Variants in IST1 observed in about 807,000 individuals in gnomAD.
IST1 encodes the protein IST1 factor associated with ESCRT-III.
A neutral mutation model predicts 37.0 loss-of-function variants in IST1; 23 were observed. That is an observed-to-expected ratio of 0.62 (90% CI 0.45 to 0.88). The LOEUF (loss-of-function observed/expected upper bound fraction) is 0.88, where lower values mean the gene tolerates loss of function less well. IST1 is among the 40% of genes least tolerant of loss of function. IST1 has a pLI of 0.00. For missense variants in IST1, 488 were observed against 445.4 expected (o/e 1.10, Z -0.86); for synonymous variants, 180 against 161.7 (o/e 1.11, Z -0.86).
chr16:71,915,185 C>T (rs1190493932), intron 1 of IST1, among the ~76,000 whole-genome samples: 1 of 152,080 alleles, frequency 6.6e-6, no homozygotes, highest in African/African-American at 2.4e-5. Flanking sequence ...AATCATCTTC[C>T]CCCATTGCCA....
In IST1 at chr16:71,908,995, TG is replaced by T. The variant is rs1455522179; in HGVS notation, c.-15-6630del. On this transcript the variant is annotated intron_variant, in intron 1 of 9. Coordinates refer to ENST00000378799, the MANE Select transcript of IST1 (RefSeq NM_001270975.2). The stretch of plus-strand genomic sequence containing the variant: ...CTAGAACCCTGTTCCTTACATCTTT[TG>T]TTTCTATTTTTAAGGACCATCCATG... Among the ~76,000 whole-genome samples, 8 of 152,314 alleles carry T rather than the reference TG, an allele frequency of 5.3e-5. No individual in the cohort carries two copies. In the East Asian group the frequency reaches 1.3e-3, roughly 26 times the overall value.
rs372777359 is a variant in IST1 at position 71,924,651 on chromosome 16, G to C, written c.853-118G>C. On this transcript the variant is annotated intron_variant, in intron 8 of 9. Transcript: ENST00000378799. ...AAAAAATGCAGGGGCAGTTTCTTTG[G>C]AACAGGCTCTGTTGCATTTGGTGAG... The C allele has an allele frequency of 6.3e-5, 49 of 773,682 alleles. 1 individual carries two copies. The East Asian group carries it at 6.3e-4, about 10-fold the overall frequency. The allele number at this position is 773,682 out of a possible 1,614,324, so 47.9% of individuals were successfully genotyped here. A position where few individuals can be genotyped will look rare whatever the true frequency, so the allele number is the denominator to read the frequency against.
intron 9 of IST1, among the ~76,000 whole-genome samples, chr16:71,926,674 A>ACAATTC (rs1397522600): frequency 6.6e-6 from 1 of 152,140 alleles, no homozygotes; most frequent in Non-Finnish European, 1.5e-5. Context: ...GTATACACAG[A>ACAATTC]CAATTCCACT....
At chr16:71,900,479 C>T (rs532809573) in intron 1 of IST1, among the ~76,000 whole-genome samples, 2 of 152,006 alleles carry the variant, frequency 1.3e-5, no homozygotes, top group East Asian at 3.9e-4. Flanking sequence ...GGACTCAGTC[C>T]ATGGTTTTAC....
chr16:71,922,606 C>T lies in IST1; in HGVS notation c.685C>T (p.Pro229Ser), dbSNP rs2063088450. Residue 229 changes from proline to serine, a missense_variant, in exon 7 of 10, where the codon CCA becomes TCA. By Grantham distance (74) the Pro-to-Ser change is moderately conservative. Around this residue, in one of 2 missense-constraint regions of IST1, gnomAD observed 455 missense variants for 386.2 expected, o/e 1.18. Transcript: ENST00000378799. ...APVGGPDGTV[P>S]MPMPMPMPMP... ...AGTTGGTGGACCTGATGGAACGGTGCCAATGCCCATGCCCATGCCCATGCC... is the reference window on the plus strand; with the variant it reads ...AGTTGGTGGACCTGATGGAACGGTGTCAATGCCCATGCCCATGCCCATGCC... 1.9e-6 allele frequency: 3 copies of T among 1,594,662 alleles called. No homozygotes were observed. The highest frequency in any genetic ancestry group is 1.1e-5 in the South Asian group (1 of 89,812).
At position 71,920,840 on chromosome 16, in the gene IST1, T is replaced by C. The variant is rs1475948937; in HGVS notation, c.441+18T>C. ...ATGACAGGGTAATGAACATACTTGG[T>C]AAACATGAAGGCAGTGTGTGGGAGC... is the stretch of plus-strand genomic sequence containing the variant. On this transcript the variant is annotated intron_variant, in intron 5 of 9. Coordinates refer to ENST00000378799, the MANE Select transcript of IST1 (RefSeq NM_001270975.2). The C allele has an allele frequency of 2.5e-6, 4 of 1,571,292 alleles. No homozygotes were observed. Among genetic ancestry groups the C allele is most frequent in the Middle Eastern group, 1.7e-4 (1 of 5,990 alleles).
intron 1 of IST1, chr16:71,903,557 G>C (rs1354031767): frequency 6.6e-6 from 1 of 152,034 alleles, no homozygotes; most frequent in Non-Finnish European, 1.5e-5. Context: ...TTTAATTTGG[G>C]TTTTGTTTTC....
At position 71,916,603 on chromosome 16, in the gene IST1, A is replaced by T; in HGVS notation, c.230A>T (p.Asp77Val). ...ATGGAGATCCTGGAGCTGTACTGTG[A>T]CCTGCTGCTGGCTCGGTTTGGCCTT... The part of the protein sequence containing the change: ...EAMEILELYC[D>V]LLLARFGLIQ... Residue 77 changes from aspartate to valine, a missense_variant, in exon 3 of 10, where the codon GAC becomes GTC. Coordinates refer to ENST00000378799, the MANE Select transcript of IST1 (RefSeq NM_001270975.2). 1.9e-6 allele frequency: 3 copies of T among 1,614,022 alleles called. No homozygotes were observed. Among genetic ancestry groups the T allele is most frequent in the Non-Finnish European group, 2.5e-6 (3 of 1,179,920 alleles).
chr16:71,920,049 T>C (rs2037545736), intron 4 of IST1, among the ~76,000 whole-genome samples: 1 of 152,332 alleles, frequency 6.6e-6, no homozygotes, highest in African/African-American at 2.4e-5. Flanking sequence ...GTGTCCTGAT[T>C]CCATTGGCTG....
intron 1 of IST1, among the ~76,000 whole-genome samples, chr16:71,898,357 A>G (rs1179380323): frequency 3.6e-5 from 4 of 112,572 alleles, no homozygotes; most frequent in Admixed American, 2.3e-4. Flanking sequence ...TGACAGAGAC[A>G]CTCTCTCTCT....
At chr16:71,899,215 C>T (rs1429161938) in intron 1 of IST1, among the ~76,000 whole-genome samples, 2 of 151,922 alleles carry the variant, frequency 1.3e-5, no homozygotes, top group Non-Finnish European at 2.9e-5. Flanking sequence ...TTAGTTTGAC[C>T]AGTGAAGATT....
chr16:71,923,600 A>C (rs1358027239), intron 8 of IST1: 1 of 391,424 alleles, frequency 2.6e-6, no homozygotes, highest in African/African-American at 2.1e-5. Flanking sequence ...CAATTAAGCC[A>C]GGAATCAGGA....
At position 71,920,834 on chromosome 16, in the gene IST1, A is replaced by T; in HGVS notation, c.441+12A>T. 6.3e-7 allele frequency: 1 copy of T among 1,587,444 alleles called. No individual in the cohort carries two copies. Among genetic ancestry groups the T allele is most frequent in the South Asian group, 1.1e-5 (1 of 90,470 alleles). On this transcript the variant is annotated intron_variant, in intron 5 of 9. Coordinates refer to ENST00000378799, the MANE Select transcript of IST1 (RefSeq NM_001270975.2). ...CTGTGAATGACAGGGTAATGAACAT[A>T]CTTGGTAAACATGAAGGCAGTGTGT...
chr16:71,923,485 C>T (rs571687029), intron 8 of IST1, 105 bp downstream of exon 8: 6 of 633,160 alleles, frequency 9.5e-6, no homozygotes, highest in African/African-American at 9.4e-5. Context: ...ACTCCTAGTA[C>T]TGTCATCATT....
chr16:71,902,579 T>C (rs1373930972), intron 1 of IST1, among the ~76,000 whole-genome samples: 1 of 152,234 alleles, frequency 6.6e-6, no homozygotes, highest in Non-Finnish European at 1.5e-5. Context: ...CTAGATTCAA[T>C]TTTTGTAATA....
At position 71,928,679 on chromosome 16, in the gene IST1, A is replaced by G. The variant is rs1169246803; in HGVS notation, c.*866A>G. ...GGTAGTGAGCTGGAAAGCCTACAGGAAAAGAGGGGTACCTGTTTTCATTTG... is the reference window on the plus strand; with the variant it reads ...GGTAGTGAGCTGGAAAGCCTACAGGGAAAGAGGGGTACCTGTTTTCATTTG... On this transcript the variant is annotated 3_prime_UTR_variant, in exon 10 of 10. Coordinates refer to ENST00000378799, the MANE Select transcript of IST1 (RefSeq NM_001270975.2). The G allele has an allele frequency of 6.6e-6, 1 of 152,620 alleles. No individual in the cohort carries two copies. The highest frequency in any genetic ancestry group is 1.9e-4 in the East Asian group (1 of 5,206). The allele number at this position is 152,620 out of a possible 1,614,324, so 9.5% of individuals were successfully genotyped here. A position where few individuals can be genotyped will look rare whatever the true frequency, so the allele number is the denominator to read the frequency against.
chr16:71,915,865 C>CT (rs2142567434), intron 2 of IST1, 137 bp downstream of exon 2: 1 of 573,552 alleles, frequency 1.7e-6, no homozygotes, highest in East Asian at 3.1e-5. Context: ...GGGTCTCACT[C>CT]TGTCGCCCAG....
intron 1 of IST1, among the ~76,000 whole-genome samples, chr16:71,910,631 A>G (rs2037333001): frequency 6.6e-6 from 1 of 151,708 alleles, no homozygotes; most frequent in East Asian, 1.9e-4. Flanking sequence ...AAAAAAAGAA[A>G]AAAAGGTACT....
intron 4 of IST1, among the ~76,000 whole-genome samples, chr16:71,918,315 C>G (rs1416098415): frequency 7.5e-6 from 1 of 133,002 alleles, no homozygotes; most frequent in Non-Finnish European, 1.7e-5. Flanking sequence ...TTAACTCCCC[C>G]CAGAGAATAA....
Sources: allele counts gnomAD v4.1 joint callset (sites outside exome capture counted in the v4.1 genomes callset), GRCh38; gene constraint gnomAD v4.1.1; regional missense constraint gnomAD v4.1.1; transcripts MANE v1.5; gene names NCBI Gene and HGNC (gene_info 2026-07-23, HGNC 2026-07-21).